GLB1: variants seen among roughly 807,000 people sequenced by gnomAD.
The protein encoded by GLB1 is beta-galactosidase.
GLB1 carries 56 observed loss-of-function variants against 74.0 expected under a neutral mutation model. The observed-to-expected ratio is 0.76, with a 90% CI of 0.61 to 0.94. The LOEUF is 0.94. Among genes scored for constraint, GLB1 ranks in the 40% least tolerant of loss-of-function variants. The probability of loss-of-function intolerance (pLI) is 0.00; values close to 1 mark genes in which losing one functional copy is unlikely to be tolerated. For missense variants in GLB1, 787 were observed against 845.5 expected (o/e 0.93, Z 0.86); for synonymous variants, 323 against 323.6 (o/e 1.00, Z 0.02).
chr3:32,999,142 G>C (rs985711050), intron 15 of GLB1, among the ~76,000 whole-genome samples: 1 of 152,156 alleles, frequency 6.6e-6, no homozygotes, highest in Non-Finnish European at 1.5e-5. Flanking sequence ...CTGTCTGTTG[G>C]ATTAAGTCAT....
chr3:33,000,873 T>C (rs1696531899), intron 15 of GLB1, among the ~76,000 whole-genome samples: 1 of 152,224 alleles, frequency 6.6e-6, no homozygotes, highest in Admixed American at 6.5e-5. Context: ...CCTCACAGCC[T>C]GACTTCCAGA....
the GLB1 span, among the ~76,000 whole-genome samples, chr3:32,984,211 T>C: frequency 2.6e-5 from 4 of 152,070 alleles, no homozygotes; most frequent in Non-Finnish European, 5.9e-5. Flanking sequence ...GGATGGGTTG[T>C]TAGTTATTCC....
intron 10 of GLB1, among the ~76,000 whole-genome samples, chr3:33,044,124 TGTAAA>T (rs1280868321): frequency 6.6e-6 from 1 of 152,218 alleles, no homozygotes; most frequent in Non-Finnish European, 1.5e-5. Flanking sequence ...AGTCAACAAC[TGTAAA>T]ATATACTTTC....
intron 10 of GLB1, among the ~76,000 whole-genome samples, chr3:33,040,619 GACA>G (rs974918861): frequency 1.5e-4 from 23 of 151,592 alleles, no homozygotes; most frequent in African/African-American, 4.4e-4. Context: ...TAAGAACAAT[GACA>G]ACAACAACAA....
chr3:33,078,380 T>C (rs1293664626), intron 1 of GLB1, among the ~76,000 whole-genome samples: 5 of 152,228 alleles, frequency 3.3e-5, no homozygotes, highest in Non-Finnish European at 5.9e-5. Flanking sequence ...GTGTGAAGGA[T>C]TGGGCATATT....
chr3:33,002,324 TCTCCCTCCCTCC>T (rs775639992), intron 15 of GLB1, among the ~76,000 whole-genome samples: 1 of 83,102 alleles, frequency 1.2e-5, no homozygotes, highest in Admixed American at 1.6e-4. Flanking sequence ...AAAACAAAAG[TCTCCCTCCCTCC>T]CTCCCTCCCT....
intron 10 of GLB1, among the ~76,000 whole-genome samples, chr3:33,040,412 C>T (rs1227559990): frequency 6.6e-6 from 1 of 151,884 alleles, no homozygotes; most frequent in Non-Finnish European, 1.5e-5. Flanking sequence ...CAATACCAGC[C>T]TAGGCAACAT....
the GLB1 span, among the ~76,000 whole-genome samples, chr3:32,989,723 A>G: frequency 6.6e-6 from 1 of 152,212 alleles, no homozygotes. Flanking sequence ...TTGCAGCTCA[A>G]TCAAGGCAAT....
chr3:32,982,507 CAAA>C, the GLB1 span, among the ~76,000 whole-genome samples: 1 of 150,998 alleles, frequency 6.6e-6, no homozygotes, highest in Non-Finnish European at 1.5e-5. Flanking sequence ...CAAACAACAA[CAAA>C]AAAAACCACA....
At chr3:32,979,924 T>A in the GLB1 span, among the ~76,000 whole-genome samples, 1 of 151,778 alleles carries the variant, frequency 6.6e-6, no homozygotes, top group Non-Finnish European at 1.5e-5. Flanking sequence ...TGAAAAAAAT[T>A]AATTAAAAAT....
At chr3:32,970,151 AGG>A in the GLB1 span, among the ~76,000 whole-genome samples, 1 of 152,344 alleles carries the variant, frequency 6.6e-6, no homozygotes, top group South Asian at 2.1e-4. Context: ...GAAATAGTTC[AGG>A]ACTTAACTTG....
chr3:33,024,236 ATT>A lies in GLB1; in HGVS notation c.1143+13_1143+14del. ...ATCTCTCACTTTCAAAGTTTCTGTT[ATT>A]TTTTTTTCTTACCTTTTCCAAAGTG... On this transcript the variant is annotated intron_variant, in intron 11 of 15. Coordinates refer to ENST00000307363, the MANE Select transcript of GLB1 (RefSeq NM_000404.4). 1 of 1,586,658 alleles carries A rather than the reference ATT, an allele frequency of 6.3e-7. No homozygotes were observed.
At chr3:33,060,289 A>G (rs762524642) in intron 5 of GLB1, among the ~76,000 whole-genome samples, 1 of 152,214 alleles carries the variant, frequency 6.6e-6, no homozygotes, top group African/African-American at 2.4e-5. Flanking sequence ...TTCACTGGTC[A>G]TGAAACCATC....
rs548968676 is a variant in GLB1, at chr3:33,070,836, C to A, written c.245+1708G>T. Among the ~76,000 whole-genome samples the A allele has an allele frequency of 1.6e-4, 24 of 152,094 alleles. No homozygotes were observed. The South Asian group carries it at 4.4e-3, about 28-fold the overall frequency. Reference sequence around the variant, plus strand: ...ATTCCAGCCAGGTGACAGAGCAAGACCCCAGCTCTAAAAAATTGTTTTAAT... The same window carrying A: ...ATTCCAGCCAGGTGACAGAGCAAGAACCCAGCTCTAAAAAATTGTTTTAAT... On this transcript the variant is annotated intron_variant, in intron 2 of 15. Coordinates refer to ENST00000307363, the MANE Select transcript of GLB1 (RefSeq NM_000404.4).
chr3:32,974,981 C>T, the GLB1 span, among the ~76,000 whole-genome samples: 1 of 152,208 alleles, frequency 6.6e-6, no homozygotes, highest in African/African-American at 2.4e-5. Context: ...TTAACCATCA[C>T]GAGTTCCCTG....
At chr3:33,029,166 CAGAAA>C (rs1301520487) in intron 10 of GLB1, among the ~76,000 whole-genome samples, 3 of 152,116 alleles carry the variant, frequency 2.0e-5, no homozygotes, top group African/African-American at 7.2e-5. Context: ...ATTAATGTTT[CAGAAA>C]AGAAATGAAC....
At chr3:32,965,383 A>T in the GLB1 span, among the ~76,000 whole-genome samples, 2 of 152,194 alleles carry the variant, frequency 1.3e-5, no homozygotes, top group Non-Finnish European at 2.9e-5. Flanking sequence ...GGACTGGAGC[A>T]AAGGTGACTC....
chr3:32,962,203 A>G, the GLB1 span, among the ~76,000 whole-genome samples: 4 of 145,002 alleles, frequency 2.8e-5, no homozygotes, highest in Admixed American at 6.9e-5. Flanking sequence ...TAAAAAAAAA[A>G]GAGAGTCTGA....
chr3:33,021,366 CA>C, intron 12 of GLB1, 199 bp downstream of exon 12: 3 of 628,766 alleles, frequency 4.8e-6, no homozygotes, highest in Non-Finnish European at 8.3e-6. Flanking sequence ...AGAAGTGGGG[CA>C]AAAAATATAG....
Sources: gnomAD v4.1 joint callset for allele counts (sites outside exome capture counted in the v4.1 genomes callset) on GRCh38, gnomAD v4.1.1 for gene constraint, MANE v1.5 for transcripts, NCBI Gene and HGNC (gene_info 2026-07-23, HGNC 2026-07-21) for gene names.